The following DLG2 variants were observed in gnomAD, a reference collection of about 807,000 sequenced individuals.
The protein encoded by DLG2 is disks large homolog 2.
Under a neutral mutation model 132.5 loss-of-function variants are expected in DLG2, and 45 were observed. That is an observed-to-expected ratio of 0.34 (90% CI 0.27 to 0.44). DLG2 has a LOEUF of 0.44. Among genes scored for constraint, DLG2 ranks in the 20% least tolerant of loss-of-function variants. DLG2 has a pLI of 1.00. For synonymous variants in DLG2, 424 were observed against 419.6 expected (o/e 1.01, Z -0.13); for missense variants, 1,045 against 1,196.9 (o/e 0.87, Z 1.87).
At chr11:83,643,668 T>G (rs536304288) in intron 18 of DLG2, 2 of 152,180 alleles carry the variant, frequency 1.3e-5, no homozygotes, top group Non-Finnish European at 2.9e-5. Flanking sequence ...TGTGACTTGC[T>G]TCTTCAGCAG....
At chr11:83,566,155 G>T (rs1431035999) in intron 19 of DLG2, among the ~76,000 whole-genome samples, 1 of 152,164 alleles carries the variant, frequency 6.6e-6, no homozygotes, top group East Asian at 1.9e-4. Flanking sequence ...TCACCTTTTA[G>T]TCATTGTATA....
rs1260707336 is a variant in DLG2 at position 85,326,315 on chromosome 11, A to G, written c.41-40950T>C. Among the ~76,000 whole-genome samples, 96 of 143,502 alleles carry G rather than the reference A, an allele frequency of 6.7e-4. 1 individual carries two copies. The East Asian group carries it at 0.019, about 28-fold the overall frequency. The allele number at this position is 143,502 out of a possible 152,430, so 94.1% of individuals were successfully genotyped here. On this transcript the variant is annotated intron_variant, in intron 3 of 27. Coordinates refer to ENST00000376104, the MANE Select transcript of DLG2 (RefSeq NM_001142699.3). ...CGAGAAGAGCAACTCCAAGACACAT[A>G]ATTGTCAGATTCACCAAAGTTGAAA...
chr11:85,083,391 C>T (rs954662089), intron 6 of DLG2, among the ~76,000 whole-genome samples: 1 of 152,188 alleles, frequency 6.6e-6, no homozygotes, highest in Middle Eastern at 3.4e-3. Context: ...CCATTGGTCA[C>T]CAATTTGTAA....
intron 6 of DLG2, among the ~76,000 whole-genome samples, chr11:84,839,144 G>C (rs929986359): frequency 6.6e-6 from 1 of 152,068 alleles, no homozygotes; most frequent in African/African-American, 2.4e-5. Context: ...CTTCAGCAAA[G>C]TCTCAGGATA....
chr11:85,605,535 T>C (rs1418702535), intron 2 of DLG2, among the ~76,000 whole-genome samples: 1 of 152,306 alleles, frequency 6.6e-6, no homozygotes, highest in African/African-American at 2.4e-5. Flanking sequence ...ATTAATCAAG[T>C]ATTTATTGAC....
rs549364327 is a variant in DLG2, at chr11:84,013,343, A to G, written c.920-32701T>C. Among the ~76,000 whole-genome samples the G allele has an allele frequency of 1.6e-4, 25 of 152,248 alleles. 2 individuals are homozygous for G. In the South Asian group the frequency reaches 5.2e-3, roughly 32 times the overall value. ...CATCTCCTAGTACCTACTATGGGCT[A>G]GGGACAAGCTTCACAAAGAGAACAA... is the stretch of plus-strand genomic sequence containing the variant. On this transcript the variant is annotated intron_variant, in intron 11 of 27. Transcript: ENST00000376104.
At chr11:83,717,288 C>T (rs1475672991) in intron 18 of DLG2, among the ~76,000 whole-genome samples, 1 of 152,172 alleles carries the variant, frequency 6.6e-6, no homozygotes, top group Non-Finnish European at 1.5e-5. Context: ...CTTAATTCAT[C>T]TAATCTAGAT....
chr11:84,546,574 T>G, intron 6 of DLG2: 2 of 424,276 alleles, frequency 4.7e-6, no homozygotes, highest in Non-Finnish European at 9.1e-6. Context: ...AATCTCCTCT[T>G]GAGACAACTG....
At chr11:85,424,391 C>T (rs141181829) in intron 3 of DLG2, among the ~76,000 whole-genome samples, 23 of 152,284 alleles carry the variant, frequency 1.5e-4, no homozygotes, top group African/African-American at 4.8e-4. Context: ...ATATGCTGCT[C>T]TGTCCATCCA....
intron 8 of DLG2, 97 bp from the exon 9 acceptor site, chr11:84,163,608 C>G: frequency 2.0e-6 from 2 of 996,520 alleles, no homozygotes; most frequent in Non-Finnish European, 3.0e-6. Context: ...AATTTTCATT[C>G]TAGCTATAAA....
At chr11:85,523,991 C>T (rs986753651) in intron 3 of DLG2, among the ~76,000 whole-genome samples, 8 of 152,084 alleles carry the variant, frequency 5.3e-5, no homozygotes, top group Non-Finnish European at 1.2e-4. Flanking sequence ...ACTGAAAGAC[C>T]ACTTTGCATG....
Position 84,301,265 on chromosome 11 carries a change from AC to A in DLG2, c.520-49975del, listed in dbSNP as rs375438936. On this transcript the variant is annotated intron_variant, in intron 7 of 27. Transcript: ENST00000376104. ...TAAAAAAGATGTCAACAAGCAGCCAACAAACATGAAAAAAGCTCATCATCAC... is the reference window on the plus strand; with the variant it reads ...TAAAAAAGATGTCAACAAGCAGCCAAAAACATGAAAAAAGCTCATCATCAC... Among the ~76,000 whole-genome samples the A allele has an allele frequency of 2.2e-3, 340 of 152,330 alleles. 3 individuals carry two copies. The Middle Eastern group carries it at 0.024, about 11-fold the overall frequency.
intron 7 of DLG2, among the ~76,000 whole-genome samples, chr11:84,438,478 AT>A (rs1306225046): frequency 1.4e-5 from 2 of 143,850 alleles, no homozygotes; most frequent in Non-Finnish European, 3.0e-5. Context: ...AAAATAAAAA[AT>A]AAAAAATAAA....
At chr11:84,503,711 C>G (rs982168543) in intron 7 of DLG2, among the ~76,000 whole-genome samples, 4 of 152,196 alleles carry the variant, frequency 2.6e-5, no homozygotes, top group Non-Finnish European at 4.4e-5. Flanking sequence ...AAGTCTGAGT[C>G]AGCAAGTTCA....
At chr11:85,421,594 G>T (rs1165301818) in intron 3 of DLG2, among the ~76,000 whole-genome samples, 1 of 151,910 alleles carries the variant, frequency 6.6e-6, no homozygotes, top group Non-Finnish European at 1.5e-5. Context: ...CATATAGTTG[G>T]TTAGTGAATT....
chr11:83,753,473 ACTCATGGCT>A (rs1337484389), intron 18 of DLG2, among the ~76,000 whole-genome samples: 2 of 151,668 alleles, frequency 1.3e-5, no homozygotes, highest in African/African-American at 4.8e-5. Flanking sequence ...AGATCTCTCC[ACTCATGGCT>A]CTTTGACCAA....
intron 7 of DLG2, among the ~76,000 whole-genome samples, chr11:84,409,679 T>C (rs1262067006): frequency 6.6e-6 from 1 of 152,160 alleles, no homozygotes; most frequent in Non-Finnish European, 1.5e-5. Context: ...TCTAAGTATT[T>C]TTTTCTTCCT....
chr11:85,242,781 T>C (rs1463107433), intron 4 of DLG2, among the ~76,000 whole-genome samples: 1 of 151,972 alleles, frequency 6.6e-6, no homozygotes, highest in East Asian at 1.9e-4. Context: ...TCAGAAAACC[T>C]TGTCTTTCTA....
chr11:84,633,122 AG>A (rs1238031403), intron 6 of DLG2, among the ~76,000 whole-genome samples: 34 of 152,206 alleles, frequency 2.2e-4, no homozygotes, highest in Non-Finnish European at 5.9e-5. Flanking sequence ...AGAGAAAGTC[AG>A]GGCTATTTAT....
Sources: gnomAD v4.1 joint callset for allele counts (sites outside exome capture counted in the v4.1 genomes callset) on GRCh38, gnomAD v4.1.1 for gene constraint, MANE v1.5 for transcripts, NCBI Gene and HGNC (gene_info 2026-07-23, HGNC 2026-07-21) for gene names.